NXPH1: variants seen among roughly 807,000 people sequenced by gnomAD.
NXPH1 encodes neurexophilin-1.
In NXPH1, 5 loss-of-function variants were observed where a neutral mutation model predicts 23.7. The ratio of observed to expected loss-of-function variants is 0.21; its 90% confidence interval spans 0.11 to 0.44. The LOEUF is 0.44. Ranked by LOEUF, NXPH1 falls within the 20% of genes least tolerant of loss-of-function variation. NXPH1 has a pLI of 0.99. For missense variants in NXPH1, 324 were observed against 321.6 expected (o/e 1.01, Z -0.06); for synonymous variants, 144 against 122.2 (o/e 1.18, Z -1.18).
chr7:8,509,544 T>C (rs1006331660), intron 2 of NXPH1, among the ~76,000 whole-genome samples: 1 of 152,058 alleles, frequency 6.6e-6, no homozygotes, highest in East Asian at 1.9e-4. Context: ...AGGAAATTGG[T>C]AGTCCTCTGA....
At chr7:8,693,587 T>C (rs567268258) in intron 2 of NXPH1, among the ~76,000 whole-genome samples, 2 of 152,346 alleles carry the variant, frequency 1.3e-5, no homozygotes, top group South Asian at 2.1e-4. Context: ...AAGATTGTTG[T>C]CTAATACATT....
At chr7:8,734,597 A>C (rs1780215864) in intron 2 of NXPH1, among the ~76,000 whole-genome samples, 1 of 151,998 alleles carries the variant, frequency 6.6e-6, no homozygotes, top group South Asian at 2.1e-4. Context: ...TTGCTGAGGA[A>C]TGTTTTACTT....
intron 2 of NXPH1, among the ~76,000 whole-genome samples, chr7:8,565,957 T>C (rs1232829298): frequency 6.6e-6 from 1 of 151,824 alleles, no homozygotes; most frequent in Non-Finnish European, 1.5e-5. Flanking sequence ...TGGAGGATCC[T>C]TTGTGTGTCT....
chr7:8,739,733 A>G (rs553932152), intron 2 of NXPH1, among the ~76,000 whole-genome samples: 132 of 152,292 alleles, frequency 8.7e-4, no homozygotes, highest in African/African-American at 2.8e-3. Flanking sequence ...AAACACAAAC[A>G]CACTATAAAG....
At chr7:8,686,480 A>G (rs1008489522) in intron 2 of NXPH1, among the ~76,000 whole-genome samples, 1 of 152,168 alleles carries the variant, frequency 6.6e-6, no homozygotes, top group Non-Finnish European at 1.5e-5. Flanking sequence ...ACCTTTGGAA[A>G]AATAATATAG....
At chr7:8,467,168 G>A (rs112338283) in intron 2 of NXPH1, among the ~76,000 whole-genome samples, 27 of 152,200 alleles carry the variant, frequency 1.8e-4, no homozygotes, top group African/African-American at 3.4e-4. Context: ...ATGAAAGTCC[G>A]TCACTACTTT....
At chr7:8,602,215 T>C (rs539170885) in intron 2 of NXPH1, among the ~76,000 whole-genome samples, 2 of 152,340 alleles carry the variant, frequency 1.3e-5, no homozygotes, top group African/African-American at 4.8e-5. Flanking sequence ...TTTTAGTTAT[T>C]TCTCTTTATA....
At chr7:8,456,528 C>G (rs1408791843) in intron 2 of NXPH1, among the ~76,000 whole-genome samples, 1 of 152,116 alleles carries the variant, frequency 6.6e-6, no homozygotes, top group East Asian at 1.9e-4. Context: ...AAACAGAGGT[C>G]TTATTGGAAT....
chr7:8,547,929 G>A (rs961617556), intron 2 of NXPH1, among the ~76,000 whole-genome samples: 17 of 151,536 alleles, frequency 1.1e-4, no homozygotes, highest in East Asian at 2.0e-4. Flanking sequence ...TTGCTATCGC[G>A]AATAGTGCTT....
At chr7:8,579,544 G>T (rs1818825819) in intron 2 of NXPH1, among the ~76,000 whole-genome samples, 1 of 151,948 alleles carries the variant, frequency 6.6e-6, no homozygotes, top group Non-Finnish European at 1.5e-5. Flanking sequence ...AGCTAATTTT[G>T]TGTTTTTAGC....
At chr7:8,622,208 A>C (rs1819890330) in intron 2 of NXPH1, among the ~76,000 whole-genome samples, 1 of 152,200 alleles carries the variant, frequency 6.6e-6, no homozygotes, top group Non-Finnish European at 1.5e-5. Flanking sequence ...ATTATTAAGA[A>C]CATCACAACT....
At chr7:8,445,006 G>C (rs949890617) in intron 2 of NXPH1, among the ~76,000 whole-genome samples, 5 of 152,180 alleles carry the variant, frequency 3.3e-5, no homozygotes, top group Admixed American at 6.5e-5. Context: ...TACTAGGACT[G>C]TATGATGTAG....
At chr7:8,487,927 G>A (rs1003100272) in intron 2 of NXPH1, among the ~76,000 whole-genome samples, 2 of 152,008 alleles carry the variant, frequency 1.3e-5, no homozygotes, top group Non-Finnish European at 2.9e-5. Context: ...AGAATTTTAA[G>A]GGTCACATAG....
At chr7:8,556,306 G>GATGACT (rs1818358331) in intron 2 of NXPH1, among the ~76,000 whole-genome samples, 1 of 151,682 alleles carries the variant, frequency 6.6e-6, no homozygotes, top group Non-Finnish European at 1.5e-5. Flanking sequence ...CATTTAGCAG[G>GATGACT]GTTTGGAAGT....
intron 2 of NXPH1, among the ~76,000 whole-genome samples, chr7:8,452,698 T>G (rs971980141): frequency 6.6e-6 from 1 of 152,140 alleles, no homozygotes; most frequent in African/African-American, 2.4e-5. Context: ...ATGTTTGACT[T>G]GTTTTTCTAG....
At chr7:8,514,850 T>C (rs1817663982) in intron 2 of NXPH1, among the ~76,000 whole-genome samples, 1 of 152,168 alleles carries the variant, frequency 6.6e-6, no homozygotes, top group Non-Finnish European at 1.5e-5. Context: ...TCAGTTGAGA[T>C]GATTTAACCC....
chr7:8,608,152 T>C (rs1819541566), intron 2 of NXPH1, among the ~76,000 whole-genome samples: 1 of 152,214 alleles, frequency 6.6e-6, no homozygotes, highest in Non-Finnish European at 1.5e-5. Context: ...ACCCAGTTTG[T>C]GGTACTTTGT....
At chr7:8,718,748 C>T (rs1779917739) in intron 2 of NXPH1, among the ~76,000 whole-genome samples, 1 of 152,204 alleles carries the variant, frequency 6.6e-6, no homozygotes, top group Non-Finnish European at 1.5e-5. Context: ...GGAAAAACCA[C>T]TTATATTTGA....
At chr7:8,500,450 T>A (rs1584195721) in intron 2 of NXPH1, among the ~76,000 whole-genome samples, 1 of 152,106 alleles carries the variant, frequency 6.6e-6, no homozygotes, top group African/African-American at 2.4e-5. Context: ...TGTGTGACCT[T>A]GGGCAGGTTG....
Sources: gnomAD v4.1 joint callset for allele counts (sites outside exome capture counted in the v4.1 genomes callset) on GRCh38, gnomAD v4.1.1 for gene constraint, MANE v1.5 for transcripts, NCBI Gene and HGNC (gene_info 2026-07-23, HGNC 2026-07-21) for gene names.